Variants in ADAM28 observed in about 807,000 individuals in gnomAD.
The protein encoded by ADAM28 is disintegrin and metalloproteinase domain-containing protein 28.
Under a neutral mutation model 101.2 loss-of-function variants are expected in ADAM28, and 105 were observed. The ratio of observed to expected loss-of-function variants is 1.04; its 90% CI spans 0.89 to 1.22. ADAM28 has a LOEUF of 1.22. ADAM28 is among the 50% of genes most tolerant of loss of function. The pLI is 0.00. For missense variants in ADAM28, 1,028 were observed against 945.4 expected (o/e 1.09, Z -1.15); for synonymous variants, 322 against 310.6 (o/e 1.04, Z -0.39).
intron 1 of ADAM28, among the ~76,000 whole-genome samples, chr8:24,297,984 G>A (rs998944462): frequency 1.8e-4 from 27 of 152,086 alleles, no homozygotes; most frequent in East Asian, 3.9e-4. Context: ...GAAGAACCCC[G>A]TGATGTTGTT....
Position 24,311,400 on chromosome 8 carries a change from G to A in ADAM28, c.346G>A (p.Val116Ile). The A allele has an allele frequency of 6.2e-7, 1 of 1,613,040 alleles. No individual in the cohort carries two copies. The highest frequency in any genetic ancestry group is 8.5e-7 in the Non-Finnish European group (1 of 1,179,472). Reference sequence around the variant, plus strand: ...TCAAGGACATATTCTTAATGAAAAGGTTTCTGACGCTAGCATCAGCACATG... The same window carrying A: ...TCAAGGACATATTCTTAATGAAAAGATTTCTGACGCTAGCATCAGCACATG... ...YYQGHILNEK[V>I]SDASISTCRG... Residue 116 changes from valine to isoleucine, a missense_variant, in exon 5 of 23, where the codon GTT becomes ATT. Val to Ile is a conservative substitution (Grantham distance 29, BLOSUM62 3). Coordinates refer to ENST00000265769, the MANE Select transcript of ADAM28 (RefSeq NM_014265.6).
rs1466573385 is a variant in ADAM28 at position 24,323,945 on chromosome 8, A to G, written c.832A>G (p.Lys278Glu). 1.9e-6 allele frequency: 3 copies of G among 1,612,214 alleles called. No homozygotes were observed. The highest frequency in any genetic ancestry group is 2.5e-6 in the Non-Finnish European group (3 of 1,178,808). Residue 278 changes from lysine (K) to glutamate (E), a missense_variant, in exon 9 of 23, where the codon AAA (lysine) becomes GAA (glutamate). By Grantham distance (56) the Lys-to-Glu change is moderately conservative. Coordinates refer to ENST00000265769, the MANE Select transcript of ADAM28 (RefSeq NM_014265.6). ...AAGCTTCACCTTGGAGAATTTTTCTAAATGGAGGGGGAGTGTTCTCTCAAG... is the reference window on the plus strand; with the variant it reads ...AAGCTTCACCTTGGAGAATTTTTCTGAATGGAGGGGGAGTGTTCTCTCAAG... ...NASFTLENFS[K>E]WRGSVLSRRK...
In ADAM28 at chr8:24,298,252, T is replaced by C. The variant is rs544393070; in HGVS notation, c.47-1722T>C. Reference sequence around the variant, plus strand: ...CTTTAAGTAATTTTGAATTTTTTTTTAGAGTAACTCTTACACCACTGAAAG... The same window carrying C: ...CTTTAAGTAATTTTGAATTTTTTTTCAGAGTAACTCTTACACCACTGAAAG... On this transcript the variant is annotated intron_variant, in intron 1 of 22. Coordinates refer to ENST00000265769, the MANE Select transcript of ADAM28 (RefSeq NM_014265.6). 1.1e-4 allele frequency among the ~76,000 whole-genome samples: 16 copies of C among 152,320 alleles called. No individual in the cohort carries two copies. The East Asian group carries it at 2.7e-3, about 26-fold the overall frequency.
chr8:24,318,677 A>G (rs1811481917), intron 6 of ADAM28, among the ~76,000 whole-genome samples: 2 of 151,938 alleles, frequency 1.3e-5, no homozygotes, highest in African/African-American at 4.8e-5. Flanking sequence ...ACCACCACTC[A>G]TCATTTGTTC....
chr8:24,325,981 A>T (rs1426198896), intron 9 of ADAM28, among the ~76,000 whole-genome samples: 3 of 151,376 alleles, frequency 2.0e-5, no homozygotes, highest in South Asian at 2.1e-4. Context: ...AAAAAGCAAA[A>T]TTAAAATTAC....
At chr8:24,339,996 C>T (rs1814568865) in intron 15 of ADAM28, among the ~76,000 whole-genome samples, 1 of 152,118 alleles carries the variant, frequency 6.6e-6, no homozygotes, top group African/African-American at 2.4e-5. Context: ...AGTGCTTGAA[C>T]AGTTTTTTAA....
chr8:24,325,893 A>C (rs1345353317), intron 9 of ADAM28, among the ~76,000 whole-genome samples: 4 of 147,590 alleles, frequency 2.7e-5, no homozygotes, highest in South Asian at 4.2e-4. Flanking sequence ...AAAAAAAAAA[A>C]AAAAAAACCA....
intron 2 of ADAM28, among the ~76,000 whole-genome samples, chr8:24,303,056 C>T (rs548244655): frequency 7.3e-5 from 11 of 151,566 alleles, no homozygotes; most frequent in Admixed American, 2.0e-4. Flanking sequence ...TTTGTCAGAT[C>T]AATAGATTGT....
In ADAM28 at chr8:24,333,194, A is replaced by G. The variant is rs1813590803; in HGVS notation, c.1371+445A>G. On this transcript the variant is annotated intron_variant, in intron 13 of 22. Transcript: ENST00000265769. The stretch of plus-strand genomic sequence containing the variant: ...TCGGAAAATGGGGAGATGATGGTCA[A>G]AAGGGACAAGTTACAGTTATGTAGC... Among the ~76,000 whole-genome samples, 11 of 152,338 alleles carry G rather than the reference A, an allele frequency of 7.2e-5. No individual in the cohort carries two copies. The South Asian group carries it at 2.3e-3, about 32-fold the overall frequency.
chr8:24,324,265 G>A (rs1812262506), intron 9 of ADAM28, among the ~76,000 whole-genome samples: 1 of 151,930 alleles, frequency 6.6e-6, no homozygotes, highest in Admixed American at 6.6e-5. Context: ...TGGAAAGAGA[G>A]TTTTTGATTC....
At chr8:24,298,301 A>T (rs1674045724) in intron 1 of ADAM28, among the ~76,000 whole-genome samples, 1 of 152,108 alleles carries the variant, frequency 6.6e-6, no homozygotes. Flanking sequence ...TTACTTTAAC[A>T]CCCCATTTTT....
intron 10 of ADAM28, among the ~76,000 whole-genome samples, chr8:24,328,523 G>T (rs971994718): frequency 2.6e-5 from 4 of 151,964 alleles, no homozygotes; most frequent in African/African-American, 9.7e-5. Flanking sequence ...AGAGAAACTG[G>T]CCTACCTAAA....
intron 17 of ADAM28, 69 bp downstream of exon 17, chr8:24,343,250 G>A: frequency 1.3e-6 from 2 of 1,547,356 alleles, no homozygotes; most frequent in Admixed American, 3.4e-5. Flanking sequence ...TCATAAGAAA[G>A]CTAAAGGAAT....
At chr8:24,322,246 G>C (rs1294743676) in intron 8 of ADAM28, among the ~76,000 whole-genome samples, 1 of 151,910 alleles carries the variant, frequency 6.6e-6, no homozygotes, top group East Asian at 1.9e-4. Context: ...TGCATGAGTG[G>C]AGAAACTGGC....
chr8:24,342,060 T>A (rs1346797590), intron 16 of ADAM28, among the ~76,000 whole-genome samples: 1 of 152,196 alleles, frequency 6.6e-6, no homozygotes, highest in Non-Finnish European at 1.5e-5. Context: ...TAACACACAG[T>A]AGCATCCGTT....
intron 18 of ADAM28, among the ~76,000 whole-genome samples, chr8:24,348,095 C>G (rs1237579465): frequency 6.6e-6 from 1 of 151,912 alleles, no homozygotes; most frequent in African/African-American, 2.4e-5. Flanking sequence ...TTTATGTTCC[C>G]TTTTCTCTCC....
intron 12 of ADAM28, among the ~76,000 whole-genome samples, chr8:24,331,674 CCCAGAG>C (rs1813384072): frequency 6.6e-6 from 1 of 152,088 alleles, no homozygotes; most frequent in African/African-American, 2.4e-5. Context: ...ACTATGAGTG[CCCAGAG>C]TACAAATAGC....
chr8:24,310,892 A>T (rs970375832), intron 4 of ADAM28, among the ~76,000 whole-genome samples: 1 of 152,212 alleles, frequency 6.6e-6, no homozygotes. Flanking sequence ...TGGAGGCAAG[A>T]AATGTGCTGA....
At chr8:24,354,146 C>G (rs964271503) in intron 22 of ADAM28, among the ~76,000 whole-genome samples, 2 of 151,952 alleles carry the variant, frequency 1.3e-5, no homozygotes, top group Admixed American at 1.3e-4. Context: ...CCTTCTGGTC[C>G]CCTACCTTCT....
Sources: gnomAD v4.1 joint callset for allele counts (sites outside exome capture counted in the v4.1 genomes callset) on GRCh38, gnomAD v4.1.1 for gene constraint, MANE v1.5 for transcripts, NCBI Gene and HGNC (gene_info 2026-07-23, HGNC 2026-07-21) for gene names.